The following SND1 variants were observed in gnomAD, a reference collection of about 807,000 sequenced individuals.
SND1 encodes the protein staphylococcal nuclease domain-containing protein 1.
In SND1, 38 loss-of-function variants were observed where a neutral mutation model predicts 121.7. That is an observed-to-expected ratio of 0.31 (90% CI 0.24 to 0.41). The LOEUF (loss-of-function observed/expected upper bound fraction) is 0.41, where lower values mean the gene tolerates loss of function less well. Ranked by LOEUF, SND1 falls within the 10% of genes least tolerant of loss-of-function variation. The probability of loss-of-function intolerance (pLI) is 1.00; values close to 1 mark genes in which losing one functional copy is unlikely to be tolerated. For synonymous variants in SND1, 401 were observed against 447.4 expected (o/e 0.90, Z 1.31); for missense variants, 868 against 1,184.6 (o/e 0.73, Z 3.92).
intron 10 of SND1, among the ~76,000 whole-genome samples, chr7:127,765,016 T>G (rs1235229455): frequency 1.4e-4 from 21 of 152,156 alleles, no homozygotes; most frequent in Admixed American, 1.4e-3. Flanking sequence ...TAAAGCCTGA[T>G]TTTTGCAACG....
At chr7:127,703,676 C>T (rs1488762872) in intron 7 of SND1, among the ~76,000 whole-genome samples, 1 of 152,160 alleles carries the variant, frequency 6.6e-6, no homozygotes, top group Non-Finnish European at 1.5e-5. Context: ...TGCACCACTG[C>T]ACTCCAGTCT....
intron 10 of SND1, among the ~76,000 whole-genome samples, chr7:127,758,853 G>A (rs576853844): frequency 6.6e-6 from 1 of 152,090 alleles, no homozygotes; most frequent in South Asian, 2.1e-4. Context: ...CCAGAAATTT[G>A]AGACCAGCCT....
intron 16 of SND1, among the ~76,000 whole-genome samples, chr7:128,050,490 A>G (rs933088309): frequency 2.0e-5 from 3 of 152,242 alleles, no homozygotes; most frequent in Non-Finnish European, 4.4e-5. Flanking sequence ...GCACTGTAGC[A>G]AGGACTTCAT....
At chr7:128,004,199 G>A (rs1030680424) in intron 16 of SND1, among the ~76,000 whole-genome samples, 5 of 152,062 alleles carry the variant, frequency 3.3e-5, no homozygotes, top group African/African-American at 1.2e-4. Context: ...CGTTGTGAAG[G>A]GCTCTCATTG....
chr7:127,750,528 A>T (rs1797070268), intron 10 of SND1, among the ~76,000 whole-genome samples: 1 of 152,240 alleles, frequency 6.6e-6, no homozygotes, highest in South Asian at 2.1e-4. Context: ...ATTAAAATTT[A>T]TTCAATGAAA....
chr7:127,869,390 C>T (rs10215276), intron 12 of SND1, among the ~76,000 whole-genome samples: 135,717 of 152,176 alleles, frequency 0.89, 60,784 homozygotes, highest in African/African-American at 0.96. Flanking sequence ...ACAGGAGCCA[C>T]TACAGAGTTT....
chr7:127,769,951 C>T (rs1315707763), intron 10 of SND1, among the ~76,000 whole-genome samples: 1 of 151,844 alleles, frequency 6.6e-6, no homozygotes, highest in Non-Finnish European at 1.5e-5. Flanking sequence ...TGGCAGAATT[C>T]CATAGTAGCA....
chr7:127,701,092 C>T, intron 4 of SND1, 71 bp from the exon 5 acceptor site: 1 of 1,539,246 alleles, frequency 6.5e-7, no homozygotes, highest in Non-Finnish European at 8.9e-7. Flanking sequence ...CTGAAGAAAA[C>T]CTATATCAGA....
chr7:128,027,316 GC>G (rs1803504443), intron 16 of SND1: 1 of 152,542 alleles, frequency 6.6e-6, no homozygotes, highest in Admixed American at 6.5e-5. Context: ...TCCTGAGGGG[GC>G]CTGGGAGAGG....
chr7:127,712,521 G>C lies in SND1; in HGVS notation c.1038+4874G>C, dbSNP rs561720123. ...AGATTTGAAACCATCCATCATTTTT[G>C]GTCCCATTTTCATTCCCAATTGAGA... On this transcript the variant is annotated intron_variant, in intron 9 of 23. Coordinates refer to ENST00000354725, the MANE Select transcript of SND1 (RefSeq NM_014390.4). Among the ~76,000 whole-genome samples the C allele has an allele frequency of 2.4e-3, 372 of 152,164 alleles. 1 individual carries two copies. Among genetic ancestry groups the C allele is most frequent in the Non-Finnish European group, 4.0e-3 (271 of 68,008 alleles).
intron 11 of SND1, among the ~76,000 whole-genome samples, chr7:127,831,419 G>T (rs916282142): frequency 1.3e-5 from 2 of 152,234 alleles, no homozygotes; most frequent in African/African-American, 4.8e-5. Context: ...CCAAAATGCA[G>T]TTCCTTGTTA....
In SND1 at chr7:127,773,987, C is replaced by T. The variant is rs559362659; in HGVS notation, c.1153-33497C>T. 4.9e-4 allele frequency among the ~76,000 whole-genome samples: 75 copies of T among 152,270 alleles called. 2 individuals are homozygous for T. Among genetic ancestry groups the T allele is most frequent in the Non-Finnish European group, 2.2e-4 (15 of 68,028 alleles). ...TAAACAAGCCTACTGCACTTCCAGT[C>T]GTATAATAATAATAAACGACTACAT... On this transcript the variant is annotated intron_variant, in intron 10 of 23. Transcript: ENST00000354725.
rs945065033 is a variant in SND1 at position 127,794,936 on chromosome 7, G to A, written c.1153-12548G>A. Among the ~76,000 whole-genome samples the A allele has an allele frequency of 2.6e-5, 4 of 152,302 alleles. No individual in the cohort carries two copies. The South Asian group carries it at 6.2e-4, about 24-fold the overall frequency. ...TGATATACTGGTCCTTGCTGCCACC[G>A]GTTACCATACTGGTTTCCATTACCT... On this transcript the variant is annotated intron_variant, in intron 10 of 23. Transcript: ENST00000354725.
intron 9 of SND1, among the ~76,000 whole-genome samples, chr7:127,708,421 T>TTCTC (rs1796242446): frequency 6.7e-6 from 1 of 150,136 alleles, no homozygotes; most frequent in Non-Finnish European, 1.5e-5. Flanking sequence ...CTTCCTGCCT[T>TTCTC]CCTCCCTTCC....
At chr7:127,755,708 G>A (rs1584549577) in intron 10 of SND1, among the ~76,000 whole-genome samples, 1 of 152,230 alleles carries the variant, frequency 6.6e-6, no homozygotes, top group Non-Finnish European at 1.5e-5. Context: ...TGGTGACTCC[G>A]TTTGAAAGCG....
chr7:128,020,294 C>T (rs1307213289), intron 16 of SND1, among the ~76,000 whole-genome samples: 3 of 152,304 alleles, frequency 2.0e-5, no homozygotes, highest in Non-Finnish European at 4.4e-5. Flanking sequence ...CAAAAGGGAA[C>T]TATAAAGGAT....
intron 11 of SND1, among the ~76,000 whole-genome samples, chr7:127,834,760 G>T (rs1324859335): frequency 1.3e-5 from 2 of 152,132 alleles, no homozygotes; most frequent in Non-Finnish European, 2.9e-5. Flanking sequence ...GAATTATTGT[G>T]TTTTTTCTTC....
chr7:127,652,364 A>G lies in SND1; in HGVS notation c.-10A>G. On this transcript the variant is annotated 5_prime_UTR_variant, in exon 1 of 24. Transcript: ENST00000354725. ...CAGCCGCTCCACTCGTTGCCTTTGC[A>G]TCTCCACACATGGCGTCCTCCGCGC... The G allele has an allele frequency of 1.3e-6, 2 of 1,572,642 alleles. No homozygotes were observed. The highest frequency in any genetic ancestry group is 1.7e-6 in the Non-Finnish European group (2 of 1,153,708).
At chr7:127,988,501 T>A (rs1802446545) in intron 15 of SND1, among the ~76,000 whole-genome samples, 1 of 152,204 alleles carries the variant, frequency 6.6e-6, no homozygotes, top group Admixed American at 6.5e-5. Flanking sequence ...GACTATCTCA[T>A]GAAAAATGTT....
Sources: allele counts gnomAD v4.1 joint callset (sites outside exome capture counted in the v4.1 genomes callset), GRCh38; gene constraint gnomAD v4.1.1; transcripts MANE v1.5; gene names NCBI Gene and HGNC (gene_info 2026-07-23, HGNC 2026-07-21).